NFIB: variants seen among roughly 807,000 people sequenced by gnomAD.
NFIB encodes nuclear factor 1 B-type.
NFIB carries 11 observed loss-of-function variants against 61.5 expected under a neutral mutation model. That is an observed-to-expected ratio of 0.18 (90% CI 0.11 to 0.30). The LOEUF is 0.30. Ranked by LOEUF, NFIB falls within the 10% of genes least tolerant of loss-of-function variation. NFIB has a pLI of 1.00. For synonymous variants in NFIB, 260 were observed against 216.5 expected, an observed-to-expected ratio of 1.20 and a Z score of -1.76; for missense variants, 471 against 608.9, an observed-to-expected ratio of 0.77 and a Z score of 2.38.
chr9:14,286,440 T>C (rs1262923006), intron 2 of NFIB, among the ~76,000 whole-genome samples: 2 of 152,206 alleles, frequency 1.3e-5, no homozygotes, highest in African/African-American at 4.8e-5. Context: ...AACTACCATG[T>C]ACACACTACA....
chr9:14,340,676 G>A (rs1024980661), intron 1 of NFIB, among the ~76,000 whole-genome samples: 11 of 152,178 alleles, frequency 7.2e-5, no homozygotes, highest in African/African-American at 1.9e-4. Flanking sequence ...AAACCTTTTC[G>A]TTGTGCAGAA....
At chr9:14,130,847 C>A (rs1036098980) in intron 6 of NFIB, among the ~76,000 whole-genome samples, 3 of 152,066 alleles carry the variant, frequency 2.0e-5, no homozygotes, top group African/African-American at 7.2e-5. Context: ...AATTCATGTT[C>A]CATGAATAAA....
Position 14,086,297 on chromosome 9 carries a change from C to A in NFIB, c.*2012G>T. ...AAAATCCCCTGTCCATCTCTCAGTA[C>A]ACAAAAGGACCTCATCACACTGCAA... On this transcript the variant is annotated 3_prime_UTR_variant, in exon 11 of 11. Coordinates refer to ENST00000380953, the MANE Select transcript of NFIB (RefSeq NM_001190737.2). 4.6e-6 allele frequency: 1 copy of A among 219,096 alleles called. No individual in the cohort carries two copies. Among genetic ancestry groups the A allele is most frequent in the South Asian group, 1.9e-4 (1 of 5,370 alleles). The allele number at this position is 219,096 out of a possible 1,614,324, so 13.6% of individuals were successfully genotyped here. A position where few individuals can be genotyped will look rare whatever the true frequency, so the allele number is the denominator to read the frequency against.
intron 2 of NFIB, chr9:14,205,063 T>C (rs1305019924): frequency 4.9e-6 from 1 of 205,130 alleles, no homozygotes; most frequent in East Asian, 1.0e-4. Flanking sequence ...TGTTGAGTTT[T>C]CTGTACATAA....
At chr9:14,136,566 C>T (rs1337531335) in intron 6 of NFIB, among the ~76,000 whole-genome samples, 2 of 152,148 alleles carry the variant, frequency 1.3e-5, no homozygotes, top group Non-Finnish European at 2.9e-5. Flanking sequence ...CATTTAAAAA[C>T]ATTTATGCTA....
chr9:14,441,436 T>C, the NFIB span, among the ~76,000 whole-genome samples: 1 of 152,198 alleles, frequency 6.6e-6, no homozygotes, highest in Non-Finnish European at 1.5e-5. Flanking sequence ...TGAAGTCCCT[T>C]TATGGTGAAC....
At chr9:14,415,602 T>C in the NFIB span, among the ~76,000 whole-genome samples, 1 of 152,220 alleles carries the variant, frequency 6.6e-6, no homozygotes, top group Admixed American at 6.5e-5. Context: ...TTTTCTGTTC[T>C]AGCCCAAGAG....
At chr9:14,229,231 T>A (rs1174252013) in intron 2 of NFIB, among the ~76,000 whole-genome samples, 1 of 152,184 alleles carries the variant, frequency 6.6e-6, no homozygotes, top group Non-Finnish European at 1.5e-5. Context: ...ATGAATTCTA[T>A]TGAACCAATA....
intron 1 of NFIB, among the ~76,000 whole-genome samples, chr9:14,310,585 C>A (rs2060233729): frequency 1.3e-5 from 2 of 151,976 alleles, no homozygotes; most frequent in South Asian, 4.1e-4. Context: ...TTTCAAATAT[C>A]CTAACTAGTA....
the NFIB span, among the ~76,000 whole-genome samples, chr9:14,409,888 A>G: frequency 1.3e-5 from 2 of 152,346 alleles, no homozygotes; most frequent in Non-Finnish European, 2.9e-5. Context: ...GGGATTTAGG[A>G]TATGAAAAAT....
intron 8 of NFIB, among the ~76,000 whole-genome samples, chr9:14,118,282 T>C (rs957426292): frequency 4.6e-5 from 7 of 152,110 alleles, no homozygotes; most frequent in South Asian, 2.1e-4. Flanking sequence ...TAAAAATGTT[T>C]CTACATACAG....
At chr9:14,148,600 C>T (rs1432034085) in intron 5 of NFIB, among the ~76,000 whole-genome samples, 1 of 152,084 alleles carries the variant, frequency 6.6e-6, no homozygotes, top group Non-Finnish European at 1.5e-5. Flanking sequence ...TGGGGAGACA[C>T]ATTTGGAGAG....
chr9:14,233,782 G>C (rs1363780202), intron 2 of NFIB, among the ~76,000 whole-genome samples: 1 of 152,114 alleles, frequency 6.6e-6, no homozygotes, highest in Non-Finnish European at 1.5e-5. Flanking sequence ...ATATTGAAAG[G>C]TGAGCATATG....
chr9:14,363,268 G>T (rs1588370868), intron 1 of NFIB, among the ~76,000 whole-genome samples: 1 of 152,168 alleles, frequency 6.6e-6, no homozygotes, highest in East Asian at 1.9e-4. Context: ...TTGAGGCCCT[G>T]GTTGTCAGTT....
chr9:14,465,778 C>T, the NFIB span, among the ~76,000 whole-genome samples: 1 of 152,098 alleles, frequency 6.6e-6, no homozygotes, highest in African/African-American at 2.4e-5. Flanking sequence ...ACATTTGGGG[C>T]CGAGACAATT....
chr9:14,315,985 C>G (rs1270628777), upstream of NFIB, among the ~76,000 whole-genome samples: 4 of 152,054 alleles, frequency 2.6e-5, no homozygotes, highest in Non-Finnish European at 5.9e-5. Flanking sequence ...CCCCGATTCC[C>G]CGGTCCTCTT....
At chr9:14,214,766 G>C (rs2050674696) in intron 2 of NFIB, among the ~76,000 whole-genome samples, 1 of 152,040 alleles carries the variant, frequency 6.6e-6, no homozygotes. Context: ...TTTTCCATTG[G>C]AAATTCATCA....
intron 2 of NFIB, among the ~76,000 whole-genome samples, chr9:14,234,038 C>T (rs1201388422): frequency 6.6e-6 from 1 of 152,118 alleles, no homozygotes; most frequent in African/African-American, 2.4e-5. Context: ...TATTGTGTTA[C>T]ATGTCAAGGA....
chr9:14,155,774 G>T, intron 4 of NFIB, 51 bp downstream of exon 4: 1 of 1,156,112 alleles, frequency 8.6e-7, no homozygotes, highest in Non-Finnish European at 1.2e-6. Context: ...AAAATATAAA[G>T]TATTTTAAAT....
Sources: gnomAD v4.1 joint callset for allele counts (sites outside exome capture counted in the v4.1 genomes callset) on GRCh38, gnomAD v4.1.1 for gene constraint, MANE v1.5 for transcripts, NCBI Gene and HGNC (gene_info 2026-07-23, HGNC 2026-07-21) for gene names.